Variants in AAGAB observed in about 807,000 individuals in gnomAD.
AAGAB encodes the protein alpha and gamma adaptin binding protein.
Under a neutral mutation model 44.1 loss-of-function variants are expected in AAGAB, and 38 were observed. The observed-to-expected ratio is 0.86, with a 90% confidence interval of 0.67 to 1.13. The LOEUF is 1.13. Among genes scored for constraint, AAGAB ranks in the 50% most tolerant of loss-of-function variants. AAGAB has a pLI of 0.00. For synonymous variants in AAGAB, 131 were observed against 131.8 expected (o/e 0.99, Z 0.04); for missense variants, 450 against 373.8 (o/e 1.20, Z -1.68).
chr15:67,245,312 A>T (rs1211382904), intron 1 of AAGAB, among the ~76,000 whole-genome samples: 2 of 152,266 alleles, frequency 1.3e-5, no homozygotes, highest in African/African-American at 4.8e-5. Context: ...CATACAATGG[A>T]ATATGAAGTA....
intron 1 of AAGAB, among the ~76,000 whole-genome samples, chr15:67,251,236 CTGTGTGTG>C (rs55690815): frequency 5.4e-5 from 8 of 147,396 alleles, no homozygotes; most frequent in African/African-American, 1.5e-4. Flanking sequence ...GTGTGTGTGT[CTGTGTGTG>C]TGTGTGTGTG....
At chr15:67,224,226 TAAG>T (rs2140363559) in intron 5 of AAGAB, among the ~76,000 whole-genome samples, 2 of 152,334 alleles carry the variant, frequency 1.3e-5, no homozygotes, top group South Asian at 4.1e-4. Flanking sequence ...AGCAAGTACT[TAAG>T]AAATATTTTT....
intron 7 of AAGAB, among the ~76,000 whole-genome samples, chr15:67,207,000 G>A (rs1033093880): frequency 1.3e-5 from 2 of 152,104 alleles, no homozygotes; most frequent in South Asian, 2.1e-4. Context: ...TGACCAACAC[G>A]CAGAAACCCC....
rs778665736 is a variant in AAGAB, at chr15:67,254,619, C to T, written c.13G>A (p.Val5Ile). 1.2e-6 allele frequency: 2 copies of T among 1,603,654 alleles called. No homozygotes were observed. The highest frequency in any genetic ancestry group is 1.7e-5 in the Admixed American group (1 of 58,678). The stretch of plus-strand genomic sequence containing the variant: ...CAGCTGGTGACTAACGCACAGGGTA[C>T]GCCAGCAGCCATAGCTGCGCTCGCG... MAAGVPCALVTSCSS... is the reference protein window; with the variant it reads MAAGIPCALVTSCSS... The change falls in exon 1 of 10, where the codon GTA becomes ATA. Residue 5 changes from valine to isoleucine, a missense_variant. Transcript: ENST00000261880.
intron 1 of AAGAB, chr15:67,254,328 T>C (rs950262753): frequency 8.3e-7 from 1 of 1,209,204 alleles, no homozygotes; most frequent in African/African-American, 1.5e-5. Flanking sequence ...GGGAAATCAG[T>C]CTCACTTTAC....
intron 1 of AAGAB, among the ~76,000 whole-genome samples, chr15:67,253,556 C>A (rs1964953109): frequency 6.6e-6 from 1 of 151,954 alleles, no homozygotes. Context: ...GAGTTGGAGA[C>A]CAGCCTGAGC....
At chr15:67,207,791 G>A (rs1444214679) in intron 7 of AAGAB, among the ~76,000 whole-genome samples, 1 of 151,988 alleles carries the variant, frequency 6.6e-6, no homozygotes, top group African/African-American at 2.4e-5. Flanking sequence ...AAAAGCCAAT[G>A]GGAAGGATTC....
At chr15:67,243,425 T>C (rs1380736277) in intron 1 of AAGAB, among the ~76,000 whole-genome samples, 1 of 152,182 alleles carries the variant, frequency 6.6e-6, no homozygotes, top group Non-Finnish European at 1.5e-5. Context: ...TAGTTCTAAA[T>C]ATACCCCTAA....
At position 67,208,584 on chromosome 15, in the gene AAGAB, A is replaced by T; in HGVS notation, c.693T>A (p.Asp231Glu). The change falls in exon 7 of 10, where the codon GAT becomes GAA. Residue 231 changes from aspartate (D) to glutamate (E), a missense_variant. Transcript: ENST00000261880. The stretch of plus-strand genomic sequence containing the variant: ...TACCCACAATGCTATCAACCTGGGC[A>T]TCTGTTGTGTTAGATGCACCACCCC... ...DHRGGASNTT[D>E]AQVDSIVDPM... The T allele has an allele frequency of 2.5e-6, 4 of 1,614,148 alleles. No individual in the cohort carries two copies. Among genetic ancestry groups the T allele is most frequent in the Non-Finnish European group, 2.5e-6 (3 of 1,179,998 alleles).
At chr15:67,212,117 G>A (rs772836788) in intron 5 of AAGAB, among the ~76,000 whole-genome samples, 31 of 152,208 alleles carry the variant, frequency 2.0e-4, no homozygotes, top group Admixed American at 6.5e-4. Context: ...TCCTGACCTC[G>A]TGATGCGCCC....
chr15:67,225,062 C>T (rs1293175365), intron 5 of AAGAB, among the ~76,000 whole-genome samples: 1 of 152,108 alleles, frequency 6.6e-6, no homozygotes, highest in Admixed American at 6.6e-5. Flanking sequence ...ATATTTGAAT[C>T]CCGGAGGCAC....
chr15:67,253,944 T>G (rs1257754945), intron 1 of AAGAB, among the ~76,000 whole-genome samples: 1 of 152,108 alleles, frequency 6.6e-6, no homozygotes, highest in Non-Finnish European at 1.5e-5. Flanking sequence ...GTTCTCTCTT[T>G]TAAGAGTTAG....
rs796670372 is a variant in AAGAB at position 67,216,462 on chromosome 15, A to C, written c.536-6918T>G. Among the ~76,000 whole-genome samples the C allele has an allele frequency of 1.8e-3, 268 of 149,788 alleles. 3 individuals carry two copies. The highest frequency in any genetic ancestry group is 5.2e-3 in the Admixed American group (78 of 15,076). On this transcript the variant is annotated intron_variant, in intron 5 of 9. Transcript: ENST00000261880. ...CTCTTGAAAAAAAAAAAAAAAAAAAAAAAAAACAAGAAGAAAATTAAATCA... is the reference window on the plus strand; with the variant it reads ...CTCTTGAAAAAAAAAAAAAAAAAAACAAAAAACAAGAAGAAAATTAAATCA...
intron 1 of AAGAB, among the ~76,000 whole-genome samples, chr15:67,241,558 A>G (rs920636518): frequency 1.3e-5 from 2 of 152,044 alleles, no homozygotes; most frequent in East Asian, 1.9e-4. Context: ...GAGCATGGAA[A>G]ATAGACAGCA....
Position 67,221,768 on chromosome 15 carries a change from C to A in AAGAB, c.535+10046G>T, listed in dbSNP as rs186971589. 6.9e-4 allele frequency among the ~76,000 whole-genome samples: 105 copies of A among 152,324 alleles called. 1 individual carries two copies. In the East Asian group the frequency reaches 0.016, roughly 23 times the overall value. ...ATATAGGAGCCTACTGATATTCTCA[C>A]ACAAACTATTTGAAGGCAAGTGTCT... is the stretch of plus-strand genomic sequence containing the variant. On this transcript the variant is annotated intron_variant, in intron 5 of 9. Coordinates refer to ENST00000261880, the MANE Select transcript of AAGAB (RefSeq NM_024666.5).
chr15:67,249,524 G>A (rs1216126061), intron 1 of AAGAB, among the ~76,000 whole-genome samples: 3 of 152,080 alleles, frequency 2.0e-5, no homozygotes, highest in Non-Finnish European at 4.4e-5. Context: ...TTTTTAATAT[G>A]TATTTAATTT....
chr15:67,234,933 A>C lies in AAGAB; in HGVS notation c.451+1046T>G, dbSNP rs118128627. On this transcript the variant is annotated intron_variant, in intron 4 of 9. Coordinates refer to ENST00000261880, the MANE Select transcript of AAGAB (RefSeq NM_024666.5). The stretch of plus-strand genomic sequence containing the variant: ...CTTCTCCAGCAGGTTTTATTCTCAA[A>C]GGTAACAGCATTTTGGAAAAATTAT... Among the ~76,000 whole-genome samples the C allele has an allele frequency of 1.4e-3, 219 of 152,358 alleles. 2 individuals carry two copies. The East Asian group carries it at 0.037, about 26-fold the overall frequency.
chr15:67,233,279 G>A (rs918316165), intron 4 of AAGAB, among the ~76,000 whole-genome samples: 4 of 152,184 alleles, frequency 2.6e-5, no homozygotes, highest in Admixed American at 6.5e-5. Context: ...CAGGCAAAGG[G>A]TCATTACGAC....
intron 1 of AAGAB, among the ~76,000 whole-genome samples, chr15:67,253,584 G>A (rs770663685): frequency 6.6e-6 from 1 of 151,664 alleles, no homozygotes; most frequent in East Asian, 1.9e-4. Flanking sequence ...CAAGACTCTG[G>A]CTCTACAAAA....
Sources: allele counts gnomAD v4.1 joint callset (sites outside exome capture counted in the v4.1 genomes callset), GRCh38; gene constraint gnomAD v4.1.1; transcripts MANE v1.5; gene names NCBI Gene and HGNC (gene_info 2026-07-23, HGNC 2026-07-21).